The following NDUFAF2 variants were observed in gnomAD, a reference collection of about 807,000 sequenced individuals.
NDUFAF2 encodes NADH:ubiquinone oxidoreductase complex assembly factor 2, also known as NADH dehydrogenase [ubiquinone] 1 alpha subcomplex assembly factor 2.
NDUFAF2 carries 13 observed loss-of-function variants against 22.8 expected under a neutral mutation model. That is an observed-to-expected ratio of 0.57 (90% CI 0.37 to 0.91). The LOEUF is 0.91. Among genes scored for constraint, NDUFAF2 ranks in the 40% least tolerant of loss-of-function variants. The probability of loss-of-function intolerance (pLI) is 0.01; values close to 1 mark genes in which losing one functional copy is unlikely to be tolerated. For synonymous variants in NDUFAF2, 53 were observed against 64.2 expected, an observed-to-expected ratio of 0.83 and a Z score of 0.84; for missense variants, 162 against 195.2, an observed-to-expected ratio of 0.83 and a Z score of 1.01.
chr5:60,994,155 A>G (rs1341669087), intron 1 of NDUFAF2, among the ~76,000 whole-genome samples: 1 of 152,214 alleles, frequency 6.6e-6, no homozygotes, highest in East Asian at 1.9e-4. Flanking sequence ...ACACCCAGCT[A>G]GGCTATGACA....
At chr5:61,068,146 C>T (rs1752253339) in intron 1 of NDUFAF2, among the ~76,000 whole-genome samples, 1 of 152,070 alleles carries the variant, frequency 6.6e-6, no homozygotes, top group Non-Finnish European at 1.5e-5. Flanking sequence ...CTCTTTCTTC[C>T]TCCCGGATCT....
intron 1 of NDUFAF2, among the ~76,000 whole-genome samples, chr5:61,059,056 A>G (rs1014074843): frequency 6.6e-6 from 1 of 152,056 alleles, no homozygotes; most frequent in Non-Finnish European, 1.5e-5. Flanking sequence ...TTGTTTTTTA[A>G]AAACAGTTTT....
chr5:61,023,734 A>G (rs1751615803), intron 1 of NDUFAF2, among the ~76,000 whole-genome samples: 1 of 152,126 alleles, frequency 6.6e-6, no homozygotes, highest in Non-Finnish European at 1.5e-5. Flanking sequence ...GCTTCAAATT[A>G]ATGACTGGCT....
intron 3 of NDUFAF2, among the ~76,000 whole-genome samples, chr5:61,133,927 A>G (rs1393384661): frequency 1.3e-5 from 2 of 152,244 alleles, no homozygotes; most frequent in Admixed American, 6.5e-5. Flanking sequence ...CTAGCAATCT[A>G]AGTTCTAGTA....
At chr5:61,100,536 T>TAC (rs10543246) in intron 3 of NDUFAF2, among the ~76,000 whole-genome samples, 2,827 of 149,780 alleles carry the variant, frequency 0.019, 36 homozygotes, top group Admixed American at 0.028. Context: ...CCCTCCCTAA[T>TAC]ACACACACAC....
chr5:61,133,636 T>C (rs1753139616), intron 3 of NDUFAF2, among the ~76,000 whole-genome samples: 1 of 152,226 alleles, frequency 6.6e-6, no homozygotes, highest in South Asian at 2.1e-4. Flanking sequence ...ATTAGCTATT[T>C]AAGTTTACAT....
intron 1 of NDUFAF2, among the ~76,000 whole-genome samples, chr5:60,948,021 A>G (rs1032776010): frequency 6.6e-6 from 1 of 152,128 alleles, no homozygotes; most frequent in African/African-American, 2.4e-5. Flanking sequence ...CTTAAAATGT[A>G]TAATTTGGTA....
intron 1 of NDUFAF2, among the ~76,000 whole-genome samples, chr5:61,052,072 A>G (rs1752031132): frequency 6.6e-6 from 1 of 152,152 alleles, no homozygotes; most frequent in Non-Finnish European, 1.5e-5. Context: ...TTATTTTAAA[A>G]AAATCAAGCA....
At chr5:61,072,299 A>T (rs936709929) in intron 1 of NDUFAF2, among the ~76,000 whole-genome samples, 3 of 152,200 alleles carry the variant, frequency 2.0e-5, no homozygotes, top group Non-Finnish European at 4.4e-5. Context: ...AGAGGAAGTG[A>T]TTCAGATGGG....
chr5:61,152,717 A>T lies in NDUFAF2; in HGVS notation c.272A>T (p.Asn91Ile), dbSNP rs770205548. Residue 91 changes from asparagine to isoleucine, a missense_variant, in exon 4 of 4, where the codon AAT becomes ATT. Physicochemically the swap from Asn to Ile is moderately radical, Grantham distance 149. Coordinates refer to ENST00000296597, the MANE Select transcript of NDUFAF2 (RefSeq NM_174889.5). Reference protein sequence around the residue: ...TPPTMEEILKNEKHREEIKIK... With the variant: ...TPPTMEEILKIEKHREEIKIK... ...ATATACATGCAGGAAATACTAAAGA[A>T]TGAAAAACACAGAGAAGAAATCAAA... 2 of 1,566,188 alleles carry T rather than the reference A, an allele frequency of 1.3e-6. No homozygotes were observed. The highest frequency in any genetic ancestry group is 4.6e-5 in the East Asian group (2 of 43,432).
intron 1 of NDUFAF2, among the ~76,000 whole-genome samples, chr5:61,036,269 T>C (rs1751799343): frequency 6.6e-6 from 1 of 152,212 alleles, no homozygotes; most frequent in African/African-American, 2.4e-5. Context: ...TCATAGACTG[T>C]TAAATTAGTC....
intron 3 of NDUFAF2, among the ~76,000 whole-genome samples, chr5:61,106,453 A>T (rs773671977): frequency 1.1e-4 from 17 of 151,408 alleles, no homozygotes; most frequent in Non-Finnish European, 2.5e-4. Context: ...GGTTCTTGAG[A>T]TATTTTGATA....
rs562208616 is a variant in NDUFAF2, at chr5:60,968,136, ATAG to A, written c.127+22759_127+22761del. Among the ~76,000 whole-genome samples, 169 of 151,996 alleles carry A rather than the reference ATAG, an allele frequency of 1.1e-3. 1 individual carries two copies. Among genetic ancestry groups the A allele is most frequent in the African/African-American group, 3.9e-3 (161 of 41,538 alleles). ...ACAATTTGTTGGGAAATAAGTGTTC[ATAG>A]TAGTCTTTTATGATCCTTTGTGTTT... On this transcript the variant is annotated intron_variant, in intron 1 of 3. Transcript: ENST00000296597.
intron 1 of NDUFAF2, among the ~76,000 whole-genome samples, chr5:60,981,677 A>G (rs1365051368): frequency 6.6e-6 from 1 of 152,220 alleles, no homozygotes; most frequent in East Asian, 1.9e-4. Flanking sequence ...CACAAAGTTA[A>G]AAAGTGGGGA....
intron 1 of NDUFAF2, among the ~76,000 whole-genome samples, chr5:61,006,405 G>C (rs1178167210): frequency 6.6e-6 from 1 of 152,130 alleles, no homozygotes; most frequent in South Asian, 2.1e-4. Flanking sequence ...TTTTGGCTTA[G>C]GATTGACTTG....
chr5:60,961,854 A>G (rs1211211993), intron 1 of NDUFAF2, among the ~76,000 whole-genome samples: 1 of 151,850 alleles, frequency 6.6e-6, no homozygotes, highest in Non-Finnish European at 1.5e-5. Flanking sequence ...GGTCCTACTT[A>G]GGAAGCTTTG....
At position 60,997,730 on chromosome 5, in the gene NDUFAF2, C is replaced by G. The variant is rs559677918; in HGVS notation, c.127+52348C>G. 8.5e-5 allele frequency among the ~76,000 whole-genome samples: 13 copies of G among 152,312 alleles called. No homozygotes were observed. The East Asian group carries it at 2.5e-3, about 29-fold the overall frequency. ...AACAAATAAAAGTTTTCAGGATCTGCTTTTCCGTTCTTCACTTCACTGTGC... is the reference window on the plus strand; with the variant it reads ...AACAAATAAAAGTTTTCAGGATCTGGTTTTCCGTTCTTCACTTCACTGTGC... On this transcript the variant is annotated intron_variant, in intron 1 of 3. Coordinates refer to ENST00000296597, the MANE Select transcript of NDUFAF2 (RefSeq NM_174889.5).
At chr5:60,984,237 C>G (rs1173525347) in intron 1 of NDUFAF2, among the ~76,000 whole-genome samples, 3 of 151,770 alleles carry the variant, frequency 2.0e-5, no homozygotes, top group Non-Finnish European at 4.4e-5. Context: ...TGATTTTTGC[C>G]CATTGATTTT....
chr5:61,098,914 A>C, intron 2 of NDUFAF2, 78 bp from the exon 3 acceptor site: 1 of 1,182,108 alleles, frequency 8.5e-7, no homozygotes, highest in South Asian at 1.3e-5. Context: ...GTAGGTACTC[A>C]AAAAAATTTG....
Sources: allele counts gnomAD v4.1 joint callset (sites outside exome capture counted in the v4.1 genomes callset), GRCh38; gene constraint gnomAD v4.1.1; transcripts MANE v1.5; gene names NCBI Gene and HGNC (gene_info 2026-07-23, HGNC 2026-07-21).